The following SANBR variants were observed in gnomAD, a reference collection of about 807,000 sequenced individuals.
SANBR encodes the protein SANT and BTB domain regulator of class switch recombination.
A neutral mutation model predicts 101.8 loss-of-function variants in SANBR; 77 were observed. The ratio of observed to expected loss-of-function variants is 0.76; its 90% CI spans 0.63 to 0.91. The LOEUF is 0.91. SANBR is among the 40% of genes least tolerant of loss of function. The pLI, the probability that SANBR is intolerant of heterozygous loss-of-function variation, is 0.00. For missense variants in SANBR, 875 were observed against 853.0 expected (o/e 1.03, Z -0.32); for synonymous variants, 279 against 274.7 (o/e 1.02, Z -0.15).
intron 4 of SANBR, among the ~76,000 whole-genome samples, chr2:61,072,042 A>T (rs968011221): frequency 6.6e-6 from 1 of 151,916 alleles, no homozygotes; most frequent in African/African-American, 2.4e-5. Flanking sequence ...GGCTCAAGAG[A>T]TCCTCCTGCC....
chr2:61,082,569 C>A (rs2104875995), intron 7 of SANBR, among the ~76,000 whole-genome samples: 1 of 152,286 alleles, frequency 6.6e-6, no homozygotes, highest in East Asian at 1.9e-4. Context: ...CGCCTGTAAT[C>A]CTAGCACTTG....
downstream of SANBR, among the ~76,000 whole-genome samples, chr2:61,125,408 AT>A (rs771272585): frequency 1.3e-5 from 2 of 152,250 alleles, no homozygotes; most frequent in Non-Finnish European, 2.9e-5. Flanking sequence ...CTATGGCATC[AT>A]TTGAAACTTA....
At chr2:61,114,407 A>T (rs1440278392) in intron 16 of SANBR, among the ~76,000 whole-genome samples, 1 of 152,206 alleles carries the variant, frequency 6.6e-6, no homozygotes, top group Non-Finnish European at 1.5e-5. Context: ...TTAGAACCAC[A>T]TGAGTAAACA....
At chr2:61,120,679 C>G (rs1327034425) in intron 20 of SANBR, among the ~76,000 whole-genome samples, 2 of 152,128 alleles carry the variant, frequency 1.3e-5, no homozygotes, top group Non-Finnish European at 2.9e-5. Flanking sequence ...AAGCCTTGAT[C>G]GCACCACTGC....
chr2:61,083,103 C>A, intron 7 of SANBR, 51 bp from the exon 8 acceptor site: 1 of 1,322,716 alleles, frequency 7.6e-7, no homozygotes, highest in South Asian at 1.2e-5. Flanking sequence ...ATTGCTATGA[C>A]ATTGTCCTTC....
At chr2:61,112,632 T>TACA (rs1683887217) in intron 16 of SANBR, among the ~76,000 whole-genome samples, 1 of 152,168 alleles carries the variant, frequency 6.6e-6, no homozygotes, top group Non-Finnish European at 1.5e-5. Context: ...TAGCTGGGAT[T>TACA]ACAGGTGTGC....
At position 61,088,529 on chromosome 2, in the gene SANBR, G is replaced by A. The variant is rs543733317; in HGVS notation, c.1088+61G>A. On this transcript the variant is annotated intron_variant, in intron 10 of 21. Coordinates refer to ENST00000402291, the MANE Select transcript of SANBR (RefSeq NM_001129993.3). ...TATATATATATATATAGTTGTTGTT[G>A]TTGTTTTGGAGACGGAGTCTTACTC... The A allele has an allele frequency of 1.9e-5, 21 of 1,099,476 alleles. No individual in the cohort carries two copies. In the South Asian group the frequency reaches 2.0e-4, roughly 11 times the overall value. The allele number at this position is 1,099,476 out of a possible 1,614,324, so 68.1% of individuals were successfully genotyped here. A position where few individuals can be genotyped will look rare whatever the true frequency, so the allele number is the denominator to read the frequency against.
chr2:61,082,885 C>G (rs1313722050), intron 7 of SANBR, among the ~76,000 whole-genome samples: 1 of 152,022 alleles, frequency 6.6e-6, no homozygotes, highest in Non-Finnish European at 1.5e-5. Flanking sequence ...ATACCTGCCA[C>G]AATTTTAAAA....
chr2:61,070,629 A>T (rs1573580802), intron 3 of SANBR, 129 bp downstream of exon 3: 1 of 593,838 alleles, frequency 1.7e-6, no homozygotes. Context: ...CACTGAATAG[A>T]CATCTATATA....
intron 11 of SANBR, among the ~76,000 whole-genome samples, chr2:61,093,645 T>C (rs188840015): frequency 6.6e-6 from 1 of 152,322 alleles, no homozygotes; most frequent in East Asian, 1.9e-4. Flanking sequence ...ATCCAGTTTT[T>C]CAGTGAAAAC....
chr2:61,118,049 T>A lies in SANBR; in HGVS notation c.1961T>A (p.Ile654Asn). 6.2e-7 allele frequency: 1 copy of A among 1,613,568 alleles called. No individual in the cohort carries two copies. The highest frequency in any genetic ancestry group is 8.5e-7 in the Non-Finnish European group (1 of 1,179,782). The change falls in exon 20 of 22, where the codon ATT becomes AAT. Residue 654 changes from isoleucine to asparagine, a missense_variant. Coordinates refer to ENST00000402291, the MANE Select transcript of SANBR (RefSeq NM_001129993.3). ...REDDQRRMTE[I>N]TGHLIKMRLG... ...TCAGATCAACGGCGAATGACTGAAA[T>A]TACAGGGCACCTAATAAAAATGAGA...
chr2:61,134,062 T>C, intron 20 of SANBR: 1 of 1,574,572 alleles, frequency 6.4e-7, no homozygotes, highest in Non-Finnish European at 8.7e-7. Flanking sequence ...TCATTTTGTT[T>C]AATCTCTTCT....
intron 20 of SANBR, among the ~76,000 whole-genome samples, chr2:61,130,929 C>CAA (rs59171411): frequency 0.097 from 1,276 of 13,212 alleles, 560 homozygotes; most frequent in Admixed American, 0.14. Flanking sequence ...GACTCTGTCT[C>CAA]AAAAAAAAAA....
At chr2:61,103,627 GT>G (rs977465674) in intron 12 of SANBR, among the ~76,000 whole-genome samples, 2 of 152,318 alleles carry the variant, frequency 1.3e-5, no homozygotes, top group South Asian at 2.1e-4. Flanking sequence ...TGCTCGTAAT[GT>G]TCTAATTCTT....
At chr2:61,125,195 T>C (rs139575835), downstream of SANBR, among the ~76,000 whole-genome samples, 541 of 152,342 alleles carry the variant, frequency 3.6e-3, 3 homozygotes, top group Non-Finnish European at 6.0e-3. Context: ...CTAAAACAAC[T>C]AGCACAGTAC....
intron 11 of SANBR, among the ~76,000 whole-genome samples, chr2:61,097,498 G>T (rs1301367804): frequency 6.6e-6 from 1 of 151,938 alleles, no homozygotes; most frequent in Admixed American, 6.6e-5. Context: ...ACCTCAAAAA[G>T]ATCCCTCATG....
At chr2:61,069,381 T>C (rs996874553) in intron 2 of SANBR, among the ~76,000 whole-genome samples, 3 of 151,770 alleles carry the variant, frequency 2.0e-5, no homozygotes, top group Non-Finnish European at 2.9e-5. Flanking sequence ...TCAGCAAGGT[T>C]CGATGACTTG....
In SANBR at chr2:61,083,286, T is replaced by A; in HGVS notation, c.862T>A (p.Leu288Ile). 1.9e-6 allele frequency: 3 copies of A among 1,607,146 alleles called. No individual in the cohort carries two copies. Among genetic ancestry groups the A allele is most frequent in the Non-Finnish European group, 2.6e-6 (3 of 1,175,430 alleles). Residue 288 changes from leucine to isoleucine, a missense_variant, in exon 8 of 22, where the codon TTA becomes ATA. Transcript: ENST00000402291. ...GTTCTCACACAATGAAGTTGATGAT[T>A]TAAAGGACAAAAAAGATAAATTTAA... Reference protein sequence around the residue: ...DLFSHNEVDDLKDKKDKFKSK... With the variant: ...DLFSHNEVDDIKDKKDKFKSK...
Position 61,071,691 on chromosome 2 carries a change from G to A in SANBR, c.236G>A (p.Ser79Asn). 1 of 1,606,288 alleles carries A rather than the reference G, an allele frequency of 6.2e-7. No homozygotes were observed. The highest frequency in any genetic ancestry group is 2.2e-5 in the East Asian group (1 of 44,530). Residue 79 changes from serine (S) to asparagine (N), a missense_variant, in exon 4 of 22, where the codon AGT (serine) becomes AAT (asparagine). By Grantham distance (46) the Ser-to-Asn change is conservative. Coordinates refer to ENST00000402291, the MANE Select transcript of SANBR (RefSeq NM_001129993.3). ...AATTCCCTAATGGCTGCTGGAGAGA[G>A]TCCTGTTGAAACTTTAGCCACATAT... ...QYNSLMAAGE[S>N]PVETLATYIK...
Sources: allele counts gnomAD v4.1 joint callset (sites outside exome capture counted in the v4.1 genomes callset), GRCh38; gene constraint gnomAD v4.1.1; transcripts MANE v1.5; gene names NCBI Gene and HGNC (gene_info 2026-07-23, HGNC 2026-07-21).